PRKN: variants seen among roughly 807,000 people sequenced by gnomAD.
PRKN encodes the protein E3 ubiquitin-protein ligase parkin.
Under a neutral mutation model 59.5 loss-of-function variants are expected in PRKN, and 56 were observed. That is an observed-to-expected ratio of 0.94 (90% CI 0.76 to 1.18). The LOEUF (loss-of-function observed/expected upper bound fraction) is 1.18, where lower values mean the gene tolerates loss of function less well. Ranked by LOEUF, PRKN falls within the 50% of genes most tolerant of loss-of-function variation. The probability of loss-of-function intolerance (pLI) is 0.00; values close to 1 mark genes in which losing one functional copy is unlikely to be tolerated. For synonymous variants in PRKN, 250 were observed against 222.1 expected (o/e 1.13, Z -1.12); for missense variants, 657 against 596.4 (o/e 1.10, Z -1.06).
chr6:162,425,047 G>A (rs1054895714), intron 2 of PRKN, among the ~76,000 whole-genome samples: 3 of 142,880 alleles, frequency 2.1e-5, no homozygotes, highest in African/African-American at 7.7e-5. Context: ...AATGACTTTC[G>A]TTAAAGGATT....
At chr6:161,692,467 G>A (rs1355728392) in intron 7 of PRKN, among the ~76,000 whole-genome samples, 1 of 152,214 alleles carries the variant, frequency 6.6e-6, no homozygotes, top group Admixed American at 6.5e-5. Context: ...CAACAAGTAG[G>A]CAGTAATTTA....
intron 7 of PRKN, among the ~76,000 whole-genome samples, chr6:161,695,659 C>A (rs1355038517): frequency 6.6e-6 from 1 of 152,152 alleles, no homozygotes; most frequent in African/African-American, 2.4e-5. Flanking sequence ...CTTTGTAGAG[C>A]AGAAGTCTTT....
chr6:162,463,347 C>G (rs1791257471), intron 1 of PRKN, among the ~76,000 whole-genome samples: 1 of 152,090 alleles, frequency 6.6e-6, no homozygotes, highest in Non-Finnish European at 1.5e-5. Context: ...AAACAAAACC[C>G]AAATCTTTCT....
intron 4 of PRKN, among the ~76,000 whole-genome samples, chr6:162,168,290 G>C (rs1783080627): frequency 6.6e-6 from 1 of 152,004 alleles, no homozygotes; most frequent in African/African-American, 2.4e-5. Flanking sequence ...CTTAAAGAAT[G>C]ATTAGGTACA....
intron 7 of PRKN, among the ~76,000 whole-genome samples, chr6:161,574,377 A>T (rs1434972482): frequency 6.6e-6 from 1 of 152,176 alleles, no homozygotes; most frequent in Non-Finnish European, 1.5e-5. Flanking sequence ...TTGGAGCAAT[A>T]GAGACCATGT....
chr6:161,841,736 C>T (rs1178207991), intron 6 of PRKN, among the ~76,000 whole-genome samples: 2 of 152,142 alleles, frequency 1.3e-5, no homozygotes, highest in East Asian at 3.9e-4. Context: ...TCTGATCACC[C>T]TTGATATAAG....
chr6:161,534,622 T>C (rs931022526), intron 9 of PRKN, among the ~76,000 whole-genome samples: 5 of 152,248 alleles, frequency 3.3e-5, no homozygotes, highest in Non-Finnish European at 5.9e-5. Flanking sequence ...CGTGTTGCCA[T>C]GCGGCTATGC....
intron 4 of PRKN, among the ~76,000 whole-genome samples, chr6:162,081,806 T>C (rs1017411787): frequency 1.3e-5 from 2 of 152,054 alleles, no homozygotes; most frequent in African/African-American, 4.8e-5. Context: ...CTTGTTCCAA[T>C]AGACGGCTGT....
chr6:162,021,461 ATTTTTT>A (rs72433488), intron 5 of PRKN, among the ~76,000 whole-genome samples: 873 of 24,642 alleles, frequency 0.035, 6 homozygotes, highest in Non-Finnish European at 0.059. Context: ...ATATATATAT[ATTTTTT>A]TTTTTTTTTT....
At chr6:162,113,615 G>T (rs1780536930) in intron 4 of PRKN, among the ~76,000 whole-genome samples, 1 of 152,098 alleles carries the variant, frequency 6.6e-6, no homozygotes, top group South Asian at 2.1e-4. Flanking sequence ...TTTCACTTAT[G>T]TCTGAAAGTC....
chr6:162,577,613 A>AAAATT (rs1780615149), intron 1 of PRKN, among the ~76,000 whole-genome samples: 1 of 150,742 alleles, frequency 6.6e-6, no homozygotes, highest in Non-Finnish European at 1.5e-5. Flanking sequence ...ATAAATAAAT[A>AAAATT]AAATAAAATA....
intron 2 of PRKN, among the ~76,000 whole-genome samples, chr6:162,264,286 A>AAAATT (rs1418070615): frequency 6.6e-6 from 1 of 152,160 alleles, no homozygotes; most frequent in African/African-American, 2.4e-5. Context: ...CTCAAAAAAT[A>AAAATT]AAATTAAATT....
intron 1 of PRKN, among the ~76,000 whole-genome samples, chr6:162,703,739 A>C (rs1418424569): frequency 2.6e-5 from 4 of 152,216 alleles, no homozygotes; most frequent in Non-Finnish European, 1.5e-5. Context: ...CTGATTATGC[A>C]CTAAGACAAC....
In PRKN at chr6:162,282,908, A is replaced by C. The variant is rs929954246; in HGVS notation, c.172-20143T>G. Among the ~76,000 whole-genome samples, 25 of 152,282 alleles carry C rather than the reference A, an allele frequency of 1.6e-4. 1 individual carries two copies. Among genetic ancestry groups the C allele is most frequent in the African/African-American group, 5.5e-4 (23 of 41,566 alleles). Reference sequence around the variant, plus strand: ...AGTCTAAGCACACATTACTTTGATAATTTTAAAAAGACACCTGGGAAATTA... The same window carrying C: ...AGTCTAAGCACACATTACTTTGATACTTTTAAAAAGACACCTGGGAAATTA... On this transcript the variant is annotated intron_variant, in intron 2 of 11. Transcript: ENST00000366898.
At chr6:162,596,035 G>A (rs898105445) in intron 1 of PRKN, among the ~76,000 whole-genome samples, 1 of 151,770 alleles carries the variant, frequency 6.6e-6, no homozygotes, top group African/African-American at 2.4e-5. Flanking sequence ...AAATTTAATT[G>A]CCTAACACTG....
intron 1 of PRKN, among the ~76,000 whole-genome samples, chr6:162,550,313 G>C (rs900838604): frequency 3.3e-5 from 5 of 152,216 alleles, no homozygotes; most frequent in African/African-American, 9.6e-5. Flanking sequence ...TGTCCCAAGG[G>C]AGAAAGAAAT....
chr6:162,097,160 G>A (rs972357383), intron 4 of PRKN, among the ~76,000 whole-genome samples: 1 of 152,162 alleles, frequency 6.6e-6, no homozygotes, highest in African/African-American at 2.4e-5. Context: ...ACAGGCGTGA[G>A]CCACTGTACC....
In PRKN at chr6:161,458,885, C is replaced by A. The variant is rs572861536; in HGVS notation, c.1084-72008G>T. ...GACTTGCTAGTATCCTTGGTCTAAA[C>A]CTTATAATTACCAGAAGCCATTTTC... On this transcript the variant is annotated intron_variant, in intron 9 of 11. Coordinates refer to ENST00000366898, the MANE Select transcript of PRKN (RefSeq NM_004562.3). This position sits in a 1 kb window ranked among gnomAD's most constrained non-coding sequence, Gnocchi z 6.1. 6.6e-6 allele frequency among the ~76,000 whole-genome samples: 1 copy of A among 151,566 alleles called. No homozygotes were observed.
At position 162,304,528 on chromosome 6, in the gene PRKN, T is replaced by TATCTATCTATCTATC. The variant is rs1554297807; in HGVS notation, c.172-41778_172-41764dup. Among the ~76,000 whole-genome samples the TATCTATCTATCTATC allele has an allele frequency of 3.9e-3, 558 of 141,578 alleles. 17 individuals are homozygous for TATCTATCTATCTATC. The highest frequency in any genetic ancestry group is 0.027 in the East Asian group (139 of 5,090). The allele number at this position is 141,578 out of a possible 152,430, so 92.9% of individuals were successfully genotyped here. ...CTATCTATCTATCTATCTATCTATC[T>TATCTATCTATCTATC]ATCTATCTATCTATCTATTTATCCA... On this transcript the variant is annotated intron_variant, in intron 2 of 11. Transcript: ENST00000366898.
Sources: gnomAD v4.1 joint callset for allele counts (sites outside exome capture counted in the v4.1 genomes callset) on GRCh38, gnomAD v4.1.1 for gene constraint, Gnocchi (gnomAD v3.1) non-coding constraint, MANE v1.5 for transcripts, NCBI Gene and HGNC (gene_info 2026-07-23, HGNC 2026-07-21) for gene names.